The following FGF3 variants were observed in gnomAD, a reference collection of about 807,000 sequenced individuals.
FGF3 encodes fibroblast growth factor 3, also known as FGF-3.
A neutral mutation model predicts 9.8 loss-of-function variants in FGF3; 7 were observed. The observed-to-expected ratio is 0.72, with a 90% CI of 0.41 to 1.35. The LOEUF is 1.35. Ranked by LOEUF, FGF3 falls within the 40% of genes most tolerant of loss-of-function variation. FGF3 has a pLI of 0.01. For synonymous variants in FGF3, 173 were observed against 157.2 expected (o/e 1.10, Z -0.75); for missense variants, 390 against 345.6 (o/e 1.13, Z -1.02).
At position 69,813,938 on chromosome 11, in the gene FGF3, TGATGGGTG is replaced by T. The variant is rs782814843; in HGVS notation, c.324+2374_324+2381del. Among the ~76,000 whole-genome samples the T allele has an allele frequency of 2.8e-3, 84 of 29,532 alleles. 1 individual carries two copies. In the East Asian group the frequency reaches 0.071, roughly 25 times the overall value. The allele number at this position is 29,532 out of a possible 152,430, so 19.4% of individuals were successfully genotyped here. On this transcript the variant is annotated intron_variant, in intron 2 of 2. Coordinates refer to ENST00000334134, the MANE Select transcript of FGF3 (RefSeq NM_005247.4). Reference sequence around the variant, plus strand: ...TTGCTGGATGGATTGGTGGATGGGTTGATGGGTGGATGGGTGGATGGGTGGATGGGTGA... The same window carrying T: ...TTGCTGGATGGATTGGTGGATGGGTTGATGGGTGGATGGGTGGATGGGTGA...
chr11:69,817,733 G>A (rs1380719211), intron 1 of FGF3, among the ~76,000 whole-genome samples: 1 of 152,176 alleles, frequency 6.6e-6, no homozygotes, highest in Non-Finnish European at 1.5e-5. Flanking sequence ...CCCGGGGCCG[G>A]AGCCGAGCGC....
chr11:69,813,784 A>ATGGATGGT (rs1856073642), intron 2 of FGF3, among the ~76,000 whole-genome samples: 1 of 114,218 alleles, frequency 8.8e-6, no homozygotes, highest in Non-Finnish European at 1.8e-5. Flanking sequence ...GGATGGATGG[A>ATGGATGGT]TGGATGGATG....
chr11:69,816,285 C>T (rs1032056686), intron 2 of FGF3, 35 bp downstream of exon 2: 57 of 1,500,150 alleles, frequency 3.8e-5, no homozygotes, highest in Non-Finnish European at 4.8e-5. Flanking sequence ...ACCGCTACTC[C>T]GTCAGCGCCC....
chr11:69,817,790 G>A (rs1195129853), intron 1 of FGF3, among the ~76,000 whole-genome samples: 1 of 152,148 alleles, frequency 6.6e-6, no homozygotes, highest in Non-Finnish European at 1.5e-5. Flanking sequence ...GCCCTCCCAC[G>A]CTCCCCACGC....
Position 69,810,272 on chromosome 11 carries a change from GC to G in FGF3, c.*32del. The stretch of plus-strand genomic sequence containing the variant: ...CAAGAGGCTGCCACGCCAAGATGTC[GC>G]CAGGAGCTCTGGCGGTGGCCACCAG... On this transcript the variant is annotated 3_prime_UTR_variant, in exon 3 of 3. Coordinates refer to ENST00000334134, the MANE Select transcript of FGF3 (RefSeq NM_005247.4). 1 of 1,527,436 alleles carries G rather than the reference GC, an allele frequency of 6.5e-7. No individual in the cohort carries two copies. The highest frequency in any genetic ancestry group is 8.8e-7 in the Non-Finnish European group (1 of 1,130,516). 94.6% of individuals were successfully genotyped at this position (1,527,436 alleles called of 1,614,324 possible). A position where few individuals can be genotyped will look rare whatever the true frequency, so the allele number is the denominator to read the frequency against.
intron 2 of FGF3, among the ~76,000 whole-genome samples, chr11:69,815,430 T>C (rs1554980988): frequency 1.3e-5 from 2 of 152,138 alleles, no homozygotes; most frequent in African/African-American, 4.8e-5. Flanking sequence ...ATCCCGGCTT[T>C]CTGGACCTTC....
chr11:69,816,732 A>G (rs1417477195), intron 1 of FGF3, among the ~76,000 whole-genome samples: 1 of 152,180 alleles, frequency 6.6e-6, no homozygotes, highest in Admixed American at 6.5e-5. Context: ...GCCAGCTGCC[A>G]TCATCATCCG....
intron 2 of FGF3, among the ~76,000 whole-genome samples, chr11:69,813,493 G>A (rs1856059358): frequency 6.6e-6 from 1 of 152,052 alleles, no homozygotes; most frequent in African/African-American, 2.4e-5. Context: ...TGCAACACAT[G>A]GTAAGTGCCC....
chr11:69,812,548 G>A (rs1323765938), intron 2 of FGF3, among the ~76,000 whole-genome samples: 1 of 152,120 alleles, frequency 6.6e-6, no homozygotes, highest in African/African-American at 2.4e-5. Flanking sequence ...CAGGGGTGGT[G>A]CCAGGCCCTA....
chr11:69,813,592 G>A (rs376452340), intron 2 of FGF3, among the ~76,000 whole-genome samples: 12,055 of 75,910 alleles, frequency 0.16, 440 homozygotes, highest in East Asian at 0.21. Context: ...GGATAGATGG[G>A]TGGGTGGATG....
In FGF3 at chr11:69,813,962, G is replaced by A. The variant is rs544912513; in HGVS notation, c.324+2358C>T. 9.9e-5 allele frequency among the ~76,000 whole-genome samples: 15 copies of A among 152,074 alleles called. No homozygotes were observed. The South Asian group carries it at 3.1e-3, about 32-fold the overall frequency. ...TTGATGGGTGGATGGGTGGATGGGT[G>A]GATGGGTGAAAGGATGGAAGGAAGG... On this transcript the variant is annotated intron_variant, in intron 2 of 2. Transcript: ENST00000334134.
chr11:69,818,970 C>T lies in FGF3; in HGVS notation c.-37G>A. On this transcript the variant is annotated 5_prime_UTR_variant, in exon 1 of 3. Coordinates refer to ENST00000334134, the MANE Select transcript of FGF3 (RefSeq NM_005247.4). ...GCCCGCCCCGCGGCGGCGGCGGCTG[C>T]AGGCGAGCGCGGCGCCCATGGAAGG... is the stretch of plus-strand genomic sequence containing the variant. The T allele has an allele frequency of 2.2e-6, 3 of 1,371,010 alleles. No individual in the cohort carries two copies. Among genetic ancestry groups the T allele is most frequent in the Non-Finnish European group, 9.6e-7 (1 of 1,038,730 alleles). 84.9% of individuals were successfully genotyped at this position (1,371,010 alleles called of 1,614,324 possible).
Position 69,816,275 on chromosome 11 carries a change from A to G in FGF3, c.324+45T>C, listed in dbSNP as rs782751352. On this transcript the variant is annotated intron_variant, in intron 2 of 2. Coordinates refer to ENST00000334134, the MANE Select transcript of FGF3 (RefSeq NM_005247.4). ...TCCCCTGGCTTGATGTGCAGGCCAG[A>G]CCGCTACTCCGTCAGCGCCCACCCA... 2.8e-6 allele frequency: 4 copies of G among 1,425,486 alleles called. No individual in the cohort carries two copies. In the Admixed American group the frequency reaches 5.0e-5, roughly 18 times the overall value. The allele number at this position is 1,425,486 out of a possible 1,614,324, so 88.3% of individuals were successfully genotyped here.
At position 69,818,800 on chromosome 11, in the gene FGF3, C is replaced by A; in HGVS notation, c.134G>T (p.Arg45Leu). 1.3e-6 allele frequency: 2 copies of A among 1,491,554 alleles called. No individual in the cohort carries two copies. The highest frequency in any genetic ancestry group is 8.9e-7 in the Non-Finnish European group (1 of 1,127,598). 92.4% of individuals were successfully genotyped at this position (1,491,554 alleles called of 1,614,324 possible). Residue 45 changes from arginine to leucine, a missense_variant, in exon 1 of 3, where the codon CGC (arginine) becomes CTC (leucine). Arg to Leu is a moderately radical substitution (Grantham distance 102, BLOSUM62 -2). Coordinates refer to ENST00000334134, the MANE Select transcript of FGF3 (RefSeq NM_005247.4). ...CTTCGTGGCGCAGTAGAGCTTGCGG[C>A]GCCGGGGCGCCCCGCCAAGGTGCTC... ...VYEHLGGAPR[R>L]RKLYCATKYH...
intron 1 of FGF3, 21 bp downstream of exon 1, chr11:69,818,693 C>T (rs1554981371): frequency 6.9e-7 from 1 of 1,458,578 alleles, no homozygotes; most frequent in Admixed American, 2.4e-5. Flanking sequence ...CCCCCGGGGC[C>T]CCGCAGCGTC....
At chr11:69,815,356 G>A (rs1203824069) in intron 2 of FGF3, among the ~76,000 whole-genome samples, 2 of 152,132 alleles carry the variant, frequency 1.3e-5, no homozygotes, top group African/African-American at 4.8e-5. Flanking sequence ...GTGGATGGGT[G>A]GATGGGTGAG....
Position 69,818,953 on chromosome 11 carries a change from C to T in FGF3, c.-20G>A. On this transcript the variant is annotated 5_prime_UTR_variant, in exon 1 of 3. Transcript: ENST00000334134. The stretch of plus-strand genomic sequence containing the variant: ...GCCCATCGTGGCATCGCGCCCGCCC[C>T]GCGGCGGCGGCGGCTGCAGGCGAGC... 4 of 1,444,342 alleles carry T rather than the reference C, an allele frequency of 2.8e-6. No homozygotes were observed. Among genetic ancestry groups the T allele is most frequent in the Admixed American group, 2.5e-5 (1 of 40,352 alleles). 89.5% of individuals were successfully genotyped at this position (1,444,342 alleles called of 1,614,324 possible).
Position 69,818,946 on chromosome 11 carries a change from C to G in FGF3, c.-13G>C. ...AGATTAGGCCCATCGTGGCATCGCG[C>G]CCGCCCCGCGGCGGCGGCGGCTGCA... On this transcript the variant is annotated 5_prime_UTR_variant, in exon 1 of 3. Transcript: ENST00000334134. The G allele has an allele frequency of 6.9e-7, 1 of 1,455,292 alleles. No individual in the cohort carries two copies. Among genetic ancestry groups the G allele is most frequent in the East Asian group, 3.0e-5 (1 of 33,686 alleles). 90.1% of individuals were successfully genotyped at this position (1,455,292 alleles called of 1,614,324 possible). A position where few individuals can be genotyped will look rare whatever the true frequency, so the allele number is the denominator to read the frequency against.
At position 69,813,800 on chromosome 11, in the gene FGF3, A is replaced by ATGGG. The variant is rs1856076068; in HGVS notation, c.324+2519_324+2520insCCCA. Among the ~76,000 whole-genome samples, 111 of 118,296 alleles carry ATGGG rather than the reference A, an allele frequency of 9.4e-4. 1 individual carries two copies. Among genetic ancestry groups the ATGGG allele is most frequent in the African/African-American group, 2.3e-3 (64 of 28,156 alleles). The allele number at this position is 118,296 out of a possible 152,430, so 77.6% of individuals were successfully genotyped here. A position where few individuals can be genotyped will look rare whatever the true frequency, so the allele number is the denominator to read the frequency against. ...GATGGATGGATGGATGGATGGATGG[A>ATGGG]TGGATGGGTGGATGGGTGGATGGGT... On this transcript the variant is annotated intron_variant, in intron 2 of 2. Coordinates refer to ENST00000334134, the MANE Select transcript of FGF3 (RefSeq NM_005247.4).
Sources: gnomAD v4.1 joint callset for allele counts (sites outside exome capture counted in the v4.1 genomes callset) on GRCh38, gnomAD v4.1.1 for gene constraint, MANE v1.5 for transcripts, NCBI Gene and HGNC (gene_info 2026-07-23, HGNC 2026-07-21) for gene names.